EPSTI1: variants seen among roughly 807,000 people sequenced by gnomAD.
EPSTI1 encodes the protein epithelial-stromal interaction protein 1.
Under a neutral mutation model 49.9 loss-of-function variants are expected in EPSTI1, and 66 were observed. The ratio of observed to expected loss-of-function variants is 1.32; its 90% CI spans 1.08 to 1.62. The LOEUF (loss-of-function observed/expected upper bound fraction) is 1.62, where lower values mean the gene tolerates loss of function less well. EPSTI1 is among the 40% of genes most tolerant of loss of function. The pLI, the probability that EPSTI1 is intolerant of heterozygous loss-of-function variation, is 0.00. For missense variants in EPSTI1, 394 were observed against 365.5 expected, an observed-to-expected ratio of 1.08 and a Z score of -0.64; for synonymous variants, 137 against 130.7, an observed-to-expected ratio of 1.05 and a Z score of -0.33.
intron 1 of EPSTI1, among the ~76,000 whole-genome samples, chr13:42,989,110 A>G (rs1280777813): frequency 1.5e-5 from 2 of 135,174 alleles, no homozygotes; most frequent in African/African-American, 5.7e-5. Flanking sequence ...ATCCTCCCAC[A>G]TTGGCTTTCC....
intron 5 of EPSTI1, among the ~76,000 whole-genome samples, chr13:42,959,445 A>G (rs2039376040): frequency 6.6e-6 from 1 of 152,188 alleles, no homozygotes; most frequent in Non-Finnish European, 1.5e-5. Flanking sequence ...TAACTTCCTC[A>G]ATGTTGAGTT....
intron 8 of EPSTI1, among the ~76,000 whole-genome samples, chr13:42,904,856 CA>C (rs2037454790): frequency 6.6e-6 from 1 of 152,018 alleles, no homozygotes; most frequent in African/African-American, 2.4e-5. Flanking sequence ...GATGTGTATC[CA>C]AAACATTTAA....
chr13:42,974,629 C>T (rs186378476), intron 1 of EPSTI1, among the ~76,000 whole-genome samples: 4 of 151,072 alleles, frequency 2.6e-5, no homozygotes, highest in African/African-American at 9.7e-5. Context: ...ACTGCACTCC[C>T]GCCTGGGCGA....
intron 6 of EPSTI1, among the ~76,000 whole-genome samples, chr13:42,947,908 G>A (rs1008057291): frequency 3.3e-5 from 5 of 152,220 alleles, no homozygotes; most frequent in African/African-American, 9.6e-5. Context: ...GACCGTTAAG[G>A]CCTTGGTCCA....
intron 3 of EPSTI1, among the ~76,000 whole-genome samples, chr13:42,968,332 G>A (rs1214169449): frequency 6.6e-6 from 1 of 151,812 alleles, no homozygotes; most frequent in African/African-American, 2.4e-5. Context: ...TGGTGGGGGG[G>A]CAGGGTGTGG....
intron 1 of EPSTI1, among the ~76,000 whole-genome samples, chr13:42,971,943 G>A (rs2039777814): frequency 6.6e-6 from 1 of 152,166 alleles, no homozygotes; most frequent in South Asian, 2.1e-4. Context: ...AAAATTAGGA[G>A]ACTGCCACTG....
intron 2 of EPSTI1, 85 bp from the exon 3 acceptor site, chr13:42,969,262 T>C: frequency 7.7e-7 from 1 of 1,294,468 alleles, no homozygotes; most frequent in African/African-American, 1.5e-5. Context: ...AAACAACTAT[T>C]AGAAGGCAAT....
In EPSTI1 at chr13:42,917,597, G is replaced by C. The variant is rs753433367; in HGVS notation, c.685C>G (p.Leu229Val). The change falls in exon 8 of 11, where the codon CTA becomes GTA. Residue 229 changes from leucine to valine, a missense_variant. Coordinates refer to ENST00000313624, the MANE Select transcript of EPSTI1 (RefSeq NM_033255.5). ...AATTTTCTGTTTTCTTCTGCCTTTA[G>C]AGAATCTCTGTAAGCCCAGCTTCTG... The part of the protein sequence containing the change: ...WARSWAYRDS[L>V]KAEENRKLQK... 1 of 1,364,282 alleles carries C rather than the reference G, an allele frequency of 7.3e-7. No homozygotes were observed. The highest frequency in any genetic ancestry group is 1.2e-5 in the South Asian group (1 of 86,842). The allele number at this position is 1,364,282 out of a possible 1,614,324, so 84.5% of individuals were successfully genotyped here. A position where few individuals can be genotyped will look rare whatever the true frequency, so the allele number is the denominator to read the frequency against.
chr13:42,919,383 C>T, intron 7 of EPSTI1: 2 of 1,529,230 alleles, frequency 1.3e-6, no homozygotes, highest in Non-Finnish European at 1.8e-6. Context: ...TTTCTTAGCT[C>T]TAAACACCAG....
At chr13:42,925,871 CTTA>C (rs2038155602) in intron 7 of EPSTI1, among the ~76,000 whole-genome samples, 1 of 152,170 alleles carries the variant, frequency 6.6e-6, no homozygotes, top group African/African-American at 2.4e-5. Context: ...GTAGTGCTTT[CTTA>C]TTGTGATATG....
At chr13:42,981,496 A>G (rs565371073) in intron 1 of EPSTI1, among the ~76,000 whole-genome samples, 9 of 152,138 alleles carry the variant, frequency 5.9e-5, no homozygotes, top group Non-Finnish European at 1.2e-4. Context: ...TTTTGGTGAT[A>G]TTGTATTTGA....
chr13:42,937,259 T>C (rs188939888), intron 6 of EPSTI1, among the ~76,000 whole-genome samples: 202 of 152,322 alleles, frequency 1.3e-3, no homozygotes, highest in African/African-American at 4.6e-3. Context: ...TGGTGAGTTG[T>C]AATCTTTTTG....
At chr13:42,917,679 GT>G in intron 7 of EPSTI1, 55 bp from the exon 8 acceptor site, 2 of 1,299,402 alleles carry the variant, frequency 1.5e-6, no homozygotes, top group Non-Finnish European at 2.1e-6. Context: ...AGGATAAAGG[GT>G]TGTCACAGTA....
intron 6 of EPSTI1, among the ~76,000 whole-genome samples, chr13:42,949,058 G>T (rs2039012511): frequency 1.3e-5 from 2 of 152,104 alleles, no homozygotes; most frequent in Admixed American, 6.5e-5. Flanking sequence ...ACTCTTTGTG[G>T]CAATAAGATA....
At position 42,982,970 on chromosome 13, in the gene EPSTI1, C is replaced by T. The variant is rs78951325; in HGVS notation, c.188+9008G>A. Among the ~76,000 whole-genome samples the T allele has an allele frequency of 4.7e-3, 711 of 152,334 alleles. 5 individuals carry two copies. Among genetic ancestry groups the T allele is most frequent in the African/African-American group, 0.016 (653 of 41,586 alleles). On this transcript the variant is annotated intron_variant, in intron 1 of 10. Transcript: ENST00000313624. The stretch of plus-strand genomic sequence containing the variant: ...GTCATTAGACCATACTCCTTTTTGA[C>T]CAATCATACTTCTATATACTATCCA...
chr13:42,968,641 A>G (rs558777245), intron 3 of EPSTI1, among the ~76,000 whole-genome samples: 16 of 152,096 alleles, frequency 1.1e-4, no homozygotes, highest in Admixed American at 7.9e-4. Context: ...TATACCCACC[A>G]CCGGGTTTCC....
chr13:42,926,695 T>G (rs997596108), intron 6 of EPSTI1, among the ~76,000 whole-genome samples: 2 of 152,200 alleles, frequency 1.3e-5, no homozygotes, highest in Non-Finnish European at 2.9e-5. Flanking sequence ...CACTTTATAT[T>G]ACTGACATAA....
intron 6 of EPSTI1, among the ~76,000 whole-genome samples, chr13:42,950,223 C>A (rs557731640): frequency 6.6e-4 from 100 of 152,336 alleles, no homozygotes; most frequent in African/African-American, 2.3e-3. Context: ...CTCTCAGCCG[C>A]TCATTGAAAC....
rs150944729 is a variant in EPSTI1, at chr13:42,897,569, G to A, written c.816-2461C>T. On this transcript the variant is annotated intron_variant, in intron 9 of 10. Coordinates refer to ENST00000313624, the MANE Select transcript of EPSTI1 (RefSeq NM_033255.5). ...CCTGAAAACAACATGGATGATGAGTGCAGACTGCAAAACAGCTCACTGGCA... is the reference window on the plus strand; with the variant it reads ...CCTGAAAACAACATGGATGATGAGTACAGACTGCAAAACAGCTCACTGGCA... 6.2e-3 allele frequency among the ~76,000 whole-genome samples: 946 copies of A among 152,314 alleles called. 10 individuals carry two copies. Among genetic ancestry groups the A allele is most frequent in the African/African-American group, 0.021 (889 of 41,554 alleles).
Sources: gnomAD v4.1 joint callset for allele counts (sites outside exome capture counted in the v4.1 genomes callset) on GRCh38, gnomAD v4.1.1 for gene constraint, MANE v1.5 for transcripts, NCBI Gene and HGNC (gene_info 2026-07-23, HGNC 2026-07-21) for gene names.